The following FER variants were observed in gnomAD, a reference collection of about 807,000 sequenced individuals.
FER encodes FER tyrosine kinase.
In FER, 63 loss-of-function variants were observed where a neutral mutation model predicts 111.0. The ratio of observed to expected loss-of-function variants is 0.57; its 90% CI spans 0.46 to 0.70. The LOEUF (loss-of-function observed/expected upper bound fraction) is 0.70. Ranked by LOEUF, FER falls within the 30% of genes least tolerant of loss-of-function variation. The pLI is 0.00. For missense variants in FER, 914 were observed against 954.0 expected (o/e 0.96, Z 0.55); for synonymous variants, 327 against 313.9 (o/e 1.04, Z -0.44).
At chr5:108,942,295 C>T (rs1028308489) in intron 10 of FER, among the ~76,000 whole-genome samples, 1 of 152,026 alleles carries the variant, frequency 6.6e-6, no homozygotes, top group African/African-American at 2.4e-5. Flanking sequence ...TGGATCTCAC[C>T]GAACTCTATT....
At chr5:109,037,922 C>A (rs924213117) in intron 14 of FER, among the ~76,000 whole-genome samples, 1 of 151,918 alleles carries the variant, frequency 6.6e-6, no homozygotes, top group Non-Finnish European at 1.5e-5. Flanking sequence ...TATAGAATTA[C>A]AGTATGTAAC....
intron 13 of FER, among the ~76,000 whole-genome samples, chr5:109,032,645 G>C (rs776031185): frequency 6.6e-6 from 1 of 152,080 alleles, no homozygotes; most frequent in East Asian, 1.9e-4. Context: ...TCTTTTCTCA[G>C]TGTCACTCAC....
chr5:108,993,570 GGGGAGAGGGAGAGGGAGA>G (rs372340070), intron 13 of FER, among the ~76,000 whole-genome samples: 1 of 144,552 alleles, frequency 6.9e-6, no homozygotes, highest in Admixed American at 6.8e-5. Context: ...GGGAGACCGT[GGGGAGAGGGAGAGGGAGA>G]GGGAGAGGGC....
intron 13 of FER, among the ~76,000 whole-genome samples, chr5:109,006,844 C>T (rs900052324): frequency 5.9e-5 from 9 of 152,064 alleles, no homozygotes; most frequent in African/African-American, 2.2e-4. Flanking sequence ...AAAATCTTAC[C>T]TGCCTCACCT....
chr5:108,935,415 A>G (rs1581273460), intron 10 of FER, among the ~76,000 whole-genome samples: 1 of 152,036 alleles, frequency 6.6e-6, no homozygotes, highest in East Asian at 1.9e-4. Flanking sequence ...TTGTCATTGG[A>G]TTTAGGGTCC....
chr5:109,029,716 C>T (rs1769325418), intron 13 of FER, among the ~76,000 whole-genome samples: 3 of 152,090 alleles, frequency 2.0e-5, no homozygotes, highest in African/African-American at 4.8e-5. Flanking sequence ...TTGGTATACC[C>T]TGTAGGTAAA....
chr5:108,795,724 A>G (rs1471974497), intron 2 of FER, among the ~76,000 whole-genome samples: 1 of 152,044 alleles, frequency 6.6e-6, no homozygotes, highest in Non-Finnish European at 1.5e-5. Flanking sequence ...TATTTATTTC[A>G]ATCTCCTTGT....
chr5:108,821,873 G>A (rs62363284), intron 3 of FER, among the ~76,000 whole-genome samples: 34,867 of 151,728 alleles, frequency 0.23, 4,211 homozygotes, highest in African/African-American at 0.28. Flanking sequence ...CTTAAGATAC[G>A]TACTCTCTTA....
intron 13 of FER, among the ~76,000 whole-genome samples, chr5:109,023,854 G>A (rs1022652540): frequency 2.6e-5 from 4 of 152,086 alleles, no homozygotes; most frequent in Non-Finnish European, 4.4e-5. Context: ...GGTGCTAGGA[G>A]TAGAACAGTA....
chr5:108,902,753 T>G (rs1750222372), intron 10 of FER, among the ~76,000 whole-genome samples: 1 of 152,156 alleles, frequency 6.6e-6, no homozygotes, highest in Non-Finnish European at 1.5e-5. Flanking sequence ...AATTTAAGGA[T>G]TATTTTATAT....
At chr5:108,897,625 G>T in intron 9 of FER, 34 bp from the exon 10 acceptor site, 2 of 1,432,440 alleles carry the variant, frequency 1.4e-6, no homozygotes, top group South Asian at 1.6e-5. Flanking sequence ...TCTTCTTAAT[G>T]AAGTTGAAAT....
chr5:109,121,773 A>C (rs747946724), intron 17 of FER, among the ~76,000 whole-genome samples: 1 of 151,960 alleles, frequency 6.6e-6, no homozygotes, highest in Non-Finnish European at 1.5e-5. Flanking sequence ...TAATCTCATT[A>C]CTTGTTATTG....
intron 5 of FER, among the ~76,000 whole-genome samples, chr5:108,858,543 C>T (rs544611782): frequency 1.3e-5 from 2 of 151,786 alleles, no homozygotes; most frequent in African/African-American, 4.8e-5. Context: ...TTTATTTTCC[C>T]CCCTCCCTCT....
chr5:108,869,632 C>A (rs1764415624), intron 6 of FER, among the ~76,000 whole-genome samples: 1 of 151,976 alleles, frequency 6.6e-6, no homozygotes, highest in African/African-American at 2.4e-5. Context: ...TTGAAGGGCT[C>A]CCCCGTGCCA....
chr5:109,068,132 G>T (rs1178784515), intron 16 of FER, among the ~76,000 whole-genome samples: 1 of 151,480 alleles, frequency 6.6e-6, no homozygotes, highest in East Asian at 1.9e-4. Context: ...AGAAAGCCCA[G>T]TGGGAAACAT....
At chr5:109,140,761 G>T (rs1753436778) in intron 17 of FER, among the ~76,000 whole-genome samples, 1 of 152,126 alleles carries the variant, frequency 6.6e-6, no homozygotes. Flanking sequence ...CATAGTCTGA[G>T]CCATCTGATA....
chr5:108,993,617 A>AGGGCGAGGGAGAGGGCG (rs1561737107), intron 13 of FER, among the ~76,000 whole-genome samples: 2 of 104,936 alleles, frequency 1.9e-5, no homozygotes, highest in South Asian at 6.0e-4. Flanking sequence ...GGGAGAGGGC[A>AGGGCGAGGGAGAGGGCG]AGGGCGAGGG....
At chr5:109,017,812 A>C (rs1767381870) in intron 13 of FER, among the ~76,000 whole-genome samples, 1 of 151,934 alleles carries the variant, frequency 6.6e-6, no homozygotes, top group Non-Finnish European at 1.5e-5. Flanking sequence ...ATTATCCAAG[A>C]AATTCACAAA....
At chr5:109,039,166 A>C (rs538138925) in intron 14 of FER, among the ~76,000 whole-genome samples, 10 of 151,782 alleles carry the variant, frequency 6.6e-5, no homozygotes, top group African/African-American at 2.4e-4. Flanking sequence ...ATTGTTAGAG[A>C]CTTTGGAGTT....
Sources: allele counts gnomAD v4.1 joint callset (sites outside exome capture counted in the v4.1 genomes callset), GRCh38; gene constraint gnomAD v4.1.1; transcripts MANE v1.5; gene names NCBI Gene and HGNC (gene_info 2026-07-23, HGNC 2026-07-21).